The following ROBO2 variants were observed in gnomAD, a reference collection of about 807,000 sequenced individuals.
The protein encoded by ROBO2 is roundabout guidance receptor 2.
A neutral mutation model predicts 160.8 loss-of-function variants in ROBO2; 53 were observed. That is an observed-to-expected ratio of 0.33 (90% confidence interval 0.26 to 0.41). The LOEUF is 0.41. ROBO2 is among the 10% of genes least tolerant of loss of function. ROBO2 has a pLI of 1.00. For synonymous variants in ROBO2, 664 were observed against 611.7 expected (o/e 1.09, Z -1.26); for missense variants, 1,577 against 1,722.4 (o/e 0.92, Z 1.49).
At chr3:77,020,892 A>G (rs773985341) in intron 2 of ROBO2, among the ~76,000 whole-genome samples, 3 of 152,138 alleles carry the variant, frequency 2.0e-5, no homozygotes, top group Non-Finnish European at 4.4e-5. Context: ...CTAAACAAAG[A>G]TAATTTGAGA....
At chr3:76,304,067 C>A (rs1293456766) in intron 2 of ROBO2, among the ~76,000 whole-genome samples, 1 of 152,172 alleles carries the variant, frequency 6.6e-6, no homozygotes. Flanking sequence ...AGAGTTAATT[C>A]TTCAGCCACA....
intron 2 of ROBO2, among the ~76,000 whole-genome samples, chr3:76,488,242 A>G (rs79081631): frequency 5.9e-4 from 90 of 152,298 alleles, no homozygotes; most frequent in African/African-American, 2.1e-3. Flanking sequence ...TTCTTTGCCC[A>G]GTTTACTTGG....
intron 2 of ROBO2, among the ~76,000 whole-genome samples, chr3:77,406,234 G>A (rs149579875): frequency 5.3e-5 from 8 of 152,212 alleles, no homozygotes; most frequent in Admixed American, 5.2e-4. Flanking sequence ...GTCATGAGAC[G>A]AGCATGGGGG....
At chr3:77,452,636 G>C (rs1338846901) in intron 2 of ROBO2, among the ~76,000 whole-genome samples, 2 of 152,032 alleles carry the variant, frequency 1.3e-5, no homozygotes, top group Non-Finnish European at 2.9e-5. Flanking sequence ...TCTTTAAACA[G>C]TACTCAGTTT....
chr3:76,689,902 A>G (rs1163821066), intron 2 of ROBO2, among the ~76,000 whole-genome samples: 1 of 152,144 alleles, frequency 6.6e-6, no homozygotes, highest in East Asian at 1.9e-4. Flanking sequence ...GTTTCCCAAC[A>G]TGTAACATAA....
chr3:77,099,274 A>T (rs1016100025), intron 2 of ROBO2, among the ~76,000 whole-genome samples: 1 of 152,014 alleles, frequency 6.6e-6, no homozygotes, highest in Admixed American at 6.6e-5. Flanking sequence ...CGTGTTGCCC[A>T]GGCTGGTCTT....
At chr3:76,313,170 C>T (rs890183831) in intron 2 of ROBO2, among the ~76,000 whole-genome samples, 5 of 152,182 alleles carry the variant, frequency 3.3e-5, no homozygotes, top group Admixed American at 6.6e-5. Flanking sequence ...AAACTTTAAA[C>T]GTGTTGACTG....
At chr3:76,360,727 A>G (rs771442296) in intron 2 of ROBO2, among the ~76,000 whole-genome samples, 1 of 152,070 alleles carries the variant, frequency 6.6e-6, no homozygotes, top group Non-Finnish European at 1.5e-5. Flanking sequence ...GTTAGATGTC[A>G]TTCGGTGGGT....
intron 2 of ROBO2, among the ~76,000 whole-genome samples, chr3:77,473,404 C>T (rs1474164261): frequency 7.1e-6 from 1 of 141,058 alleles, no homozygotes; most frequent in Non-Finnish European, 1.5e-5. Context: ...TTCCGGCTTG[C>T]TTCTCTATGT....
intron 2 of ROBO2, among the ~76,000 whole-genome samples, chr3:77,407,742 C>A (rs187915339): frequency 2.4e-4 from 37 of 152,248 alleles, no homozygotes; most frequent in Non-Finnish European, 2.8e-4. Flanking sequence ...AAATAATGCT[C>A]GTGTTTATTT....
chr3:76,000,616 G>A (rs1353524151), intron 2 of ROBO2, among the ~76,000 whole-genome samples: 1 of 151,422 alleles, frequency 6.6e-6, no homozygotes, highest in African/African-American at 2.4e-5. Flanking sequence ...AGCCTCCCGA[G>A]TAGCTGGGAC....
intron 6 of ROBO2, among the ~76,000 whole-genome samples, chr3:77,535,057 A>T (rs1479829285): frequency 6.6e-6 from 1 of 152,216 alleles, no homozygotes; most frequent in Non-Finnish European, 1.5e-5. Flanking sequence ...TACAACAAAA[A>T]GAAGGCACTA....
At chr3:77,449,184 A>G (rs1371042016) in intron 2 of ROBO2, among the ~76,000 whole-genome samples, 2 of 152,086 alleles carry the variant, frequency 1.3e-5, no homozygotes, top group African/African-American at 4.8e-5. Flanking sequence ...CTATAATGCA[A>G]TATTAATTAA....
At chr3:76,991,987 A>C (rs1301451790) in intron 2 of ROBO2, among the ~76,000 whole-genome samples, 3 of 152,064 alleles carry the variant, frequency 2.0e-5, no homozygotes, top group Non-Finnish European at 2.9e-5. Context: ...GCCCCTTATA[A>C]ATTTCTATGA....
intron 2 of ROBO2, among the ~76,000 whole-genome samples, chr3:76,593,387 G>T (rs1320981931): frequency 6.6e-6 from 1 of 152,030 alleles, no homozygotes; most frequent in Non-Finnish European, 1.5e-5. Flanking sequence ...TCAGATCTGA[G>T]AGCACTTCTG....
At chr3:76,787,210 C>CATATCACA (rs988336306) in intron 2 of ROBO2, among the ~76,000 whole-genome samples, 1 of 151,186 alleles carries the variant, frequency 6.6e-6, no homozygotes, top group Non-Finnish European at 1.5e-5. Flanking sequence ...AGAGCCAAAC[C>CATATCACA]ATATCACAAT....
intron 2 of ROBO2, among the ~76,000 whole-genome samples, chr3:77,353,669 C>T (rs1311071125): frequency 6.6e-6 from 1 of 152,016 alleles, no homozygotes; most frequent in Non-Finnish European, 1.5e-5. Flanking sequence ...CACCACCATG[C>T]CCGGCTAATT....
At chr3:76,023,803 C>T (rs140717494) in intron 2 of ROBO2, among the ~76,000 whole-genome samples, 139 of 151,552 alleles carry the variant, frequency 9.2e-4, no homozygotes, top group African/African-American at 3.1e-3. Context: ...TAGAATTGCT[C>T]AAGGCAGGCT....
intron 2 of ROBO2, among the ~76,000 whole-genome samples, chr3:77,426,120 G>A (rs777694626): frequency 4.6e-5 from 7 of 152,054 alleles, no homozygotes; most frequent in Admixed American, 6.6e-5. Flanking sequence ...GTTAAAGGTC[G>A]TTCAGCTGTC....
Sources: gnomAD v4.1 joint callset for allele counts (sites outside exome capture counted in the v4.1 genomes callset) on GRCh38, gnomAD v4.1.1 for gene constraint, MANE v1.5 for transcripts, NCBI Gene and HGNC (gene_info 2026-07-23, HGNC 2026-07-21) for gene names.